Variants in CARS1 observed in about 807,000 individuals in gnomAD.
CARS1 encodes the protein cysteinyl-tRNA synthetase 1.
Under a neutral mutation model 106.2 loss-of-function variants are expected in CARS1, and 48 were observed. That is an observed-to-expected ratio of 0.45 (90% CI 0.36 to 0.57). The LOEUF (loss-of-function observed/expected upper bound fraction) is 0.57, where lower values mean the gene tolerates loss of function less well. CARS1 is among the 20% of genes least tolerant of loss of function. CARS1 has a pLI of 0.00. For synonymous variants in CARS1, 409 were observed against 403.4 expected (o/e 1.01, Z -0.17); for missense variants, 968 against 1,057.2 (o/e 0.92, Z 1.17).
rs552803201 is a variant in CARS1, at chr11:3,020,742, C to G, written c.1154-410G>C. Among the ~76,000 whole-genome samples the G allele has an allele frequency of 6.6e-6, 1 of 152,110 alleles. No homozygotes were observed. The highest frequency in any genetic ancestry group is 1.5e-5 in the Non-Finnish European group (1 of 68,030). ...GCTCAGGGATCCTGCCTGGTTCATGCGGGTGGGGTCAATATGTCAAGGGCC... is the reference window on the plus strand; with the variant it reads ...GCTCAGGGATCCTGCCTGGTTCATGGGGGTGGGGTCAATATGTCAAGGGCC... On this transcript the variant is annotated intron_variant, in intron 10 of 22. Transcript: ENST00000380525. This position sits in a 1 kb window ranked among gnomAD's most constrained non-coding sequence, Gnocchi z 4.6.
Position 3,042,214 on chromosome 11 carries a change from C to G in CARS1, c.317G>C (p.Gly106Ala). 1 of 1,613,728 alleles carries G rather than the reference C, an allele frequency of 6.2e-7. No homozygotes were observed. Among genetic ancestry groups the G allele is most frequent in the Non-Finnish European group, 8.5e-7 (1 of 1,180,032 alleles). Residue 106 changes from glycine (G) to alanine (A), a missense_variant, in exon 3 of 23, where the codon GGG becomes GCG. Coordinates refer to ENST00000380525, the MANE Select transcript of CARS1 (RefSeq NM_001014437.3). Reference sequence around the variant, plus strand: ...AAGGTGGAGTCTGCATGGCTGGGTCCCAGCAGGAGGGGACCACTGGGGCTG... The same window carrying G: ...AAGGTGGAGTCTGCATGGCTGGGTCGCAGCAGGAGGGGACCACTGGGGCTG... ...RVQPQWSPPA[G>A]TQPCRLHLYN...
Position 3,003,349 on chromosome 11 carries a change from C to G in CARS1, c.2218-749G>C, listed in dbSNP as rs1239113331. ...ATGCTTCCCAGCCCAGTGGAGCTATCAGGTAGGCACGCCCTCCATGGCAGG... is the reference window on the plus strand; with the variant it reads ...ATGCTTCCCAGCCCAGTGGAGCTATGAGGTAGGCACGCCCTCCATGGCAGG... On this transcript the variant is annotated intron_variant, in intron 20 of 22. Transcript: ENST00000380525. This position sits in a 1 kb window ranked among gnomAD's most constrained non-coding sequence, Gnocchi z 4.8. Among the ~76,000 whole-genome samples, 1 of 152,208 alleles carries G rather than the reference C, an allele frequency of 6.6e-6. No individual in the cohort carries two copies. Among genetic ancestry groups the G allele is most frequent in the Non-Finnish European group, 1.5e-5 (1 of 68,048 alleles).
At chr11:3,015,016 G>A (rs1850850003) in intron 17 of CARS1, among the ~76,000 whole-genome samples, 1 of 152,240 alleles carries the variant, frequency 6.6e-6, no homozygotes. Flanking sequence ...TTCTTGACCT[G>A]GGAGCAGGTG....
intron 17 of CARS1, among the ~76,000 whole-genome samples, chr11:3,014,627 G>A (rs140534986): frequency 1.7e-3 from 204 of 117,456 alleles, no homozygotes; most frequent in African/African-American, 7.6e-3. Context: ...TATCATTTGC[G>A]CAAGAGAACA....
In CARS1 at chr11:3,044,316, C is replaced by T. The variant is rs181792500; in HGVS notation, c.275-2060G>A. ...AAGGCTGCTATCTCCACACAGCTGG[C>T]GATGGGCTCCCCAGGAAAACGGGTT... On this transcript the variant is annotated intron_variant, in intron 2 of 22. Transcript: ENST00000380525. This position sits in a 1 kb window ranked among gnomAD's most constrained non-coding sequence, Gnocchi z 4.4. 1.3e-3 allele frequency among the ~76,000 whole-genome samples: 197 copies of T among 152,298 alleles called. 2 individuals are homozygous for T. The highest frequency in any genetic ancestry group is 0.01 in the Middle Eastern group (3 of 294).
chr11:3,052,537 G>A lies in CARS1; in HGVS notation c.26-4536C>T, dbSNP rs950292998. ...AAAAGTTTATTACCAAATCTGCCTT[G>A]ATCTTGGATCACATAATTCTTAAAT... On this transcript the variant is annotated intron_variant, in intron 1 of 22. Coordinates refer to ENST00000380525, the MANE Select transcript of CARS1 (RefSeq NM_001014437.3). The surrounding 1 kb of genome is among the most constrained non-coding windows in gnomAD (Gnocchi z 4.6). 6.6e-6 allele frequency among the ~76,000 whole-genome samples: 1 copy of A among 152,000 alleles called. No homozygotes were observed. The highest frequency in any genetic ancestry group is 2.1e-4 in the South Asian group (1 of 4,826).
At position 3,002,567 on chromosome 11, in the gene CARS1, C is replaced by G. The variant is rs1208194018; in HGVS notation, c.2251G>C (p.Ala751Pro). The change falls in exon 21 of 23, where the codon GCG (alanine) becomes CCG (proline). Residue 751 changes from alanine (A) to proline (P), a missense_variant. Coordinates refer to ENST00000380525, the MANE Select transcript of CARS1 (RefSeq NM_001014437.3). ...EEEKRKKKEE[A>P]ARRKQEQEAA... is the part of the protein sequence containing the mutation. ...TCTTGTTCCTGTTTCCTCCGGGCCG[C>G]CTCCTCTTTCTTCTTCCTCTTCTCC... 6 of 1,614,066 alleles carry G rather than the reference C, an allele frequency of 3.7e-6. No individual in the cohort carries two copies. The highest frequency in any genetic ancestry group is 4.2e-6 in the Non-Finnish European group (5 of 1,180,000).
At chr11:3,012,362 G>T in intron 17 of CARS1, 86 bp from the exon 18 acceptor site, 2 of 1,186,236 alleles carry the variant, frequency 1.7e-6, no homozygotes, top group Non-Finnish European at 1.3e-6. Flanking sequence ...CCGCGACACA[G>T]GGCAGGGACT....
chr11:3,051,268 CA>C (rs1223599583), intron 1 of CARS1, among the ~76,000 whole-genome samples: 1 of 152,230 alleles, frequency 6.6e-6, no homozygotes, highest in Non-Finnish European at 1.5e-5. Context: ...AAGAGAAAGA[CA>C]GGGGTGGACT....
At chr11:3,007,088 G>C (rs1849951560) in intron 18 of CARS1, 129 bp from the exon 19 acceptor site, 5 of 783,928 alleles carry the variant, frequency 6.4e-6, no homozygotes, top group South Asian at 6.1e-5. Context: ...GTGCTCAGGA[G>C]GGAGGGGCCC....
In CARS1 at chr11:3,048,102, G is replaced by T; in HGVS notation, c.26-101C>A. 2 of 1,435,326 alleles carry T rather than the reference G, an allele frequency of 1.4e-6. No homozygotes were observed. The highest frequency in any genetic ancestry group is 1.9e-6 in the Non-Finnish European group (2 of 1,065,694). 88.9% of individuals were successfully genotyped at this position (1,435,326 alleles called of 1,614,324 possible). On this transcript the variant is annotated intron_variant, in intron 1 of 22. Transcript: ENST00000380525. This position sits in a 1 kb window ranked among gnomAD's most constrained non-coding sequence, Gnocchi z 5.1. The stretch of plus-strand genomic sequence containing the variant: ...GGGATGGCACAGAACCAAGGAAAAA[G>T]GTGTTCAAGCCCTTCCCTGGACGCC...
intron 9 of CARS1, chr11:3,027,850 C>T (rs1256080815): frequency 1.3e-5 from 6 of 454,298 alleles, no homozygotes; most frequent in Admixed American, 4.7e-5. Flanking sequence ...GAAAAACACC[C>T]GCTACTTAGC....
chr11:3,016,088 CCAA>C (rs1331301994), intron 16 of CARS1, among the ~76,000 whole-genome samples: 3 of 152,104 alleles, frequency 2.0e-5, no homozygotes, highest in African/African-American at 4.8e-5. Flanking sequence ...CCACTGGAGC[CCAA>C]CAACAAGGAA....
At chr11:3,011,790 C>A (rs992956950) in intron 18 of CARS1, among the ~76,000 whole-genome samples, 3 of 152,206 alleles carry the variant, frequency 2.0e-5, no homozygotes, top group African/African-American at 4.8e-5. Context: ...GCGCACCCAG[C>A]CTACCAGGTC....
chr11:3,023,192 G>C (rs1851734401), intron 10 of CARS1, among the ~76,000 whole-genome samples: 1 of 152,120 alleles, frequency 6.6e-6, no homozygotes, highest in Non-Finnish European at 1.5e-5. Flanking sequence ...GCTGCCTCCA[G>C]AACATTCCTT....
rs1427094195 is a variant in CARS1 at position 3,045,873 on chromosome 11, G to A, written c.274+1880C>T. 6.6e-6 allele frequency among the ~76,000 whole-genome samples: 1 copy of A among 152,206 alleles called. No homozygotes were observed. The highest frequency in any genetic ancestry group is 2.4e-5 in the African/African-American group (1 of 41,448). On this transcript the variant is annotated intron_variant, in intron 2 of 22. Coordinates refer to ENST00000380525, the MANE Select transcript of CARS1 (RefSeq NM_001014437.3). The surrounding 1 kb of genome is among the most constrained non-coding windows in gnomAD (Gnocchi z 5.6). Reference sequence around the variant, plus strand: ...AGCTACTGTCATCCCAGGGACATGGGCGAGGACACTACACTGGACTCCATG... The same window carrying A: ...AGCTACTGTCATCCCAGGGACATGGACGAGGACACTACACTGGACTCCATG...
At chr11:3,001,339 ATC>A in intron 22 of CARS1, 91 bp from the exon 23 acceptor site, 1 of 1,451,006 alleles carries the variant, frequency 6.9e-7, no homozygotes, top group South Asian at 1.2e-5. Context: ...CAAAGTGTCT[ATC>A]TCCCTGATGC....
At chr11:3,042,294 A>G in intron 2 of CARS1, 38 bp from the exon 3 acceptor site, 3 of 1,506,156 alleles carry the variant, frequency 2.0e-6, no homozygotes, top group Non-Finnish European at 2.7e-6. Flanking sequence ...GTCCAGGGGC[A>G]GCACCAGGAA....
At chr11:3,005,631 ATTT>A (rs5789288) in intron 19 of CARS1, among the ~76,000 whole-genome samples, 198 bp from the exon 20 acceptor site, 11 of 132,420 alleles carry the variant, frequency 8.3e-5, no homozygotes, top group Non-Finnish European at 7.9e-5. Flanking sequence ...TGTGTGTGTG[ATTT>A]TTTTTTTTTT....
Sources: allele counts gnomAD v4.1 joint callset (sites outside exome capture counted in the v4.1 genomes callset), GRCh38; gene constraint gnomAD v4.1.1; non-coding constraint Gnocchi (gnomAD v3.1); transcripts MANE v1.5; gene names NCBI Gene and HGNC (gene_info 2026-07-23, HGNC 2026-07-21).